CIMAP1D: variants seen among roughly 807,000 people sequenced by gnomAD.
The protein encoded by CIMAP1D is CIMAP1 family member D.
chr19:475,781 T>C, the CIMAP1D span, among the ~76,000 whole-genome samples: 1 of 151,608 alleles, frequency 6.6e-6, no homozygotes, highest in African/African-American at 2.4e-5. Flanking sequence ...GTGTAATTTT[T>C]TTTTTTTTTT....
At chr19:463,614 A>C in the CIMAP1D span, 2 of 617,982 alleles carry the variant, frequency 3.2e-6, no homozygotes, top group South Asian at 2.4e-5. Flanking sequence ...CGTGACCTGG[A>C]AGAAACTGGG....
At chr19:469,945 A>G in the CIMAP1D span, among the ~76,000 whole-genome samples, 1 of 147,538 alleles carries the variant, frequency 6.8e-6, no homozygotes, top group South Asian at 2.2e-4. Flanking sequence ...CCAGCTCATC[A>G]TGACATCACT....
chr19:470,898 C>T, the CIMAP1D span, among the ~76,000 whole-genome samples: 3 of 152,184 alleles, frequency 2.0e-5, no homozygotes, highest in East Asian at 3.9e-4. Flanking sequence ...TAGACAGGAG[C>T]AGGCACCATG....
chr19:483,190 C>A, the CIMAP1D span, among the ~76,000 whole-genome samples: 1 of 151,962 alleles, frequency 6.6e-6, no homozygotes, highest in Non-Finnish European at 1.5e-5. Context: ...GGATCCAAAG[C>A]CCACTCAGCA....
chr19:481,121 G>GA, the CIMAP1D span, among the ~76,000 whole-genome samples: 5 of 62,090 alleles, frequency 8.1e-5, no homozygotes, highest in Admixed American at 1.5e-4. Context: ...GAGAAGGAAT[G>GA]TGGGAAGGAT....
chr19:486,913 C>CA, the CIMAP1D span, among the ~76,000 whole-genome samples: 1 of 151,472 alleles, frequency 6.6e-6, no homozygotes, highest in Admixed American at 6.6e-5. Flanking sequence ...GACTCCATCT[C>CA]AAAAAAAAGA....
At chr19:464,841 G>A in the CIMAP1D span, among the ~76,000 whole-genome samples, 5 of 152,212 alleles carry the variant, frequency 3.3e-5, no homozygotes, top group Admixed American at 6.5e-5. Flanking sequence ...GTGGTTGAGC[G>A]GGGAGTGAAT....
At chr19:469,024 C>T in the CIMAP1D span, among the ~76,000 whole-genome samples, 3 of 152,188 alleles carry the variant, frequency 2.0e-5, no homozygotes, top group South Asian at 2.1e-4. Flanking sequence ...CAGACCTCCC[C>T]GCCACAGGCA....
chr19:472,079 A>G, the CIMAP1D span, among the ~76,000 whole-genome samples: 3 of 152,254 alleles, frequency 2.0e-5, no homozygotes, highest in Admixed American at 1.3e-4. Flanking sequence ...ACTGAGTTGC[A>G]AAGCACTTAA....
At chr19:471,092 G>A in the CIMAP1D span, among the ~76,000 whole-genome samples, 3 of 152,242 alleles carry the variant, frequency 2.0e-5, no homozygotes, top group Admixed American at 6.5e-5. Flanking sequence ...GACAGCACAC[G>A]TTTACTGAGC....
chr19:491,485 A>G, the CIMAP1D span, among the ~76,000 whole-genome samples: 1 of 152,012 alleles, frequency 6.6e-6, no homozygotes, highest in Admixed American at 6.5e-5. Flanking sequence ...CCCCGTCTTC[A>G]AAGCAGCTTT....
At chr19:481,607 A>G in the CIMAP1D span, among the ~76,000 whole-genome samples, 1 of 148,694 alleles carries the variant, frequency 6.7e-6, no homozygotes, top group Admixed American at 6.7e-5. Flanking sequence ...GGGAAGGACA[A>G]TGGGAGGATG....
chr19:488,004 C>G, the CIMAP1D span, among the ~76,000 whole-genome samples: 1 of 152,128 alleles, frequency 6.6e-6, no homozygotes, highest in Non-Finnish European at 1.5e-5. Context: ...ATGCAGCCCC[C>G]AGTCACGTAC....
the CIMAP1D span, among the ~76,000 whole-genome samples, chr19:482,098 G>A: frequency 1.3e-5 from 2 of 151,818 alleles, no homozygotes; most frequent in African/African-American, 4.8e-5. Flanking sequence ...TCTAGTAGTT[G>A]TATCAAAAAA....
chr19:465,131 GTGGATGGA>G, the CIMAP1D span, among the ~76,000 whole-genome samples: 1 of 77,178 alleles, frequency 1.3e-5, no homozygotes, highest in South Asian at 4.6e-4. Context: ...GGGTTGATGA[GTGGATGGA>G]TGGATGGGTG....
the CIMAP1D span, among the ~76,000 whole-genome samples, chr19:482,225 C>T: frequency 6.6e-6 from 1 of 152,208 alleles, no homozygotes; most frequent in South Asian, 2.1e-4. Flanking sequence ...TCTTTTAATG[C>T]TGTCCTCCCA....
chr19:470,716 C>G, the CIMAP1D span, among the ~76,000 whole-genome samples: 10 of 152,336 alleles, frequency 6.6e-5, no homozygotes, highest in East Asian at 1.7e-3. Context: ...AAGACCCTTC[C>G]GACCGCGCTC....
At chr19:481,122 T>TGGGAAGGATGATG in the CIMAP1D span, among the ~76,000 whole-genome samples, 1 of 57,488 alleles carries the variant, frequency 1.7e-5, no homozygotes, top group Admixed American at 1.9e-4. Flanking sequence ...AGAAGGAATG[T>TGGGAAGGATGATG]GGGAAGGATG....
the CIMAP1D span, among the ~76,000 whole-genome samples, chr19:476,060 G>A: frequency 3.4e-4 from 48 of 140,682 alleles, 1 homozygote; most frequent in African/African-American, 1.2e-3. Context: ...ATGCAGTGGC[G>A]CGATCTCGGC....
Sources: gnomAD v4.1 joint callset for allele counts (sites outside exome capture counted in the v4.1 genomes callset) on GRCh38, gnomAD v4.1.1 for gene constraint, MANE v1.5 for transcripts, NCBI Gene and HGNC (gene_info 2026-07-23, HGNC 2026-07-21) for gene names.